Variants in CDH12 observed in about 807,000 individuals in gnomAD.
The protein encoded by CDH12 is cadherin 12.
Under a neutral mutation model 74.1 loss-of-function variants are expected in CDH12, and 41 were observed. The observed-to-expected ratio is 0.55, with a 90% confidence interval of 0.43 to 0.72. CDH12 has a LOEUF of 0.72. Ranked by LOEUF, CDH12 falls within the 30% of genes least tolerant of loss-of-function variation. CDH12 has a pLI of 0.00. For missense variants in CDH12, 945 were observed against 977.2 expected (o/e 0.97, Z 0.44); for synonymous variants, 399 against 355.0 (o/e 1.12, Z -1.39).
intron 6 of CDH12, among the ~76,000 whole-genome samples, chr5:21,878,997 A>G (rs139596983): frequency 1.5e-3 from 227 of 152,222 alleles, no homozygotes; most frequent in Middle Eastern, 6.8e-3. Flanking sequence ...GTCTATGTTG[A>G]TATTCTATCC....
chr5:22,058,043 ATCATCTATCT>A (rs1740873080), intron 5 of CDH12, among the ~76,000 whole-genome samples: 1 of 137,014 alleles, frequency 7.3e-6, no homozygotes, highest in African/African-American at 2.7e-5. Flanking sequence ...CTATCTATCT[ATCATCTATCT>A]TTTATTTATT....
chr5:22,460,997 A>G (rs1209957125), intron 2 of CDH12, among the ~76,000 whole-genome samples: 32 of 142,376 alleles, frequency 2.2e-4, no homozygotes. Flanking sequence ...CTGGGATTAC[A>G]GGTGTGAGCC....
chr5:22,796,400 T>C (rs1748210834), intron 1 of CDH12, among the ~76,000 whole-genome samples: 1 of 152,194 alleles, frequency 6.6e-6, no homozygotes, highest in Non-Finnish European at 1.5e-5. Context: ...GGTGGTATTT[T>C]ATTGTGGTTT....
intron 4 of CDH12, among the ~76,000 whole-genome samples, chr5:22,112,590 T>C (rs182888589): frequency 6.6e-6 from 1 of 152,286 alleles, no homozygotes; most frequent in African/African-American, 2.4e-5. Flanking sequence ...TCTGTCATGG[T>C]CGTTTTTTTT....
At chr5:22,143,950 TA>T (rs879825650) in intron 4 of CDH12, 173 of 145,992 alleles carry the variant, frequency 1.2e-3, no homozygotes, top group Middle Eastern at 3.5e-3. Flanking sequence ...TACTGCCACT[TA>T]AAAAAAAAAA....
At chr5:22,483,295 C>T (rs1387625712) in intron 2 of CDH12, among the ~76,000 whole-genome samples, 3 of 152,034 alleles carry the variant, frequency 2.0e-5, no homozygotes, top group East Asian at 3.9e-4. Context: ...CTTAGAGACA[C>T]AAATTTTAAA....
At chr5:22,097,227 A>T (rs1350933245) in intron 4 of CDH12, among the ~76,000 whole-genome samples, 2 of 151,958 alleles carry the variant, frequency 1.3e-5, no homozygotes, top group Non-Finnish European at 2.9e-5. Context: ...TGTTCAACTC[A>T]CCTGGCAGCC....
At chr5:22,398,567 T>C (rs1332065034) in intron 3 of CDH12, among the ~76,000 whole-genome samples, 2 of 152,098 alleles carry the variant, frequency 1.3e-5, no homozygotes, top group African/African-American at 4.8e-5. Flanking sequence ...GCCCAAGCAA[T>C]AGACATTGTC....
intron 1 of CDH12, among the ~76,000 whole-genome samples, chr5:22,569,577 G>A (rs1052444815): frequency 3.3e-5 from 5 of 152,116 alleles, no homozygotes; most frequent in East Asian, 1.9e-4. Context: ...TATCAACTAC[G>A]CTTAGGACAT....
chr5:22,711,024 G>A (rs1743260998), intron 1 of CDH12, among the ~76,000 whole-genome samples: 1 of 152,004 alleles, frequency 6.6e-6, no homozygotes, highest in South Asian at 2.1e-4. Flanking sequence ...CTAGAATTAA[G>A]AGATTTCATC....
At position 21,783,500 on chromosome 5, in the gene CDH12, T is replaced by C; in HGVS notation, c.1257-6A>G. On this transcript the variant is annotated splice_region_variant and splice_polypyrimidine_tract_variant and intron_variant, in intron 10 of 14. Coordinates refer to ENST00000382254, the MANE Select transcript of CDH12 (RefSeq NM_004061.5). ...TCTTCCAATCTATGAAGTACCTGTA[T>C]ATGAAAAGAGTAGATGCAAATGTGC... 6.2e-7 allele frequency: 1 copy of C among 1,600,128 alleles called. No individual in the cohort carries two copies. Among genetic ancestry groups the C allele is most frequent in the Non-Finnish European group, 8.6e-7 (1 of 1,168,320 alleles).
chr5:22,228,789 T>A (rs1314514575), intron 3 of CDH12, among the ~76,000 whole-genome samples: 1 of 135,824 alleles, frequency 7.4e-6, no homozygotes, highest in Non-Finnish European at 1.7e-5. Context: ...ATGCCAAATT[T>A]ATTATGTTCT....
intron 1 of CDH12, among the ~76,000 whole-genome samples, chr5:22,686,448 G>C (rs184286451): frequency 1.3e-5 from 2 of 152,206 alleles, no homozygotes; most frequent in East Asian, 3.9e-4. Context: ...AGAAGTCTTC[G>C]CCTAACTAAA....
intron 1 of CDH12, among the ~76,000 whole-genome samples, chr5:22,558,662 T>C (rs748707688): frequency 1.3e-5 from 2 of 151,742 alleles, no homozygotes; most frequent in African/African-American, 2.4e-5. Flanking sequence ...GAAAAAACCA[T>C]AAAACTTAAG....
At chr5:22,705,912 T>G (rs1478736213) in intron 1 of CDH12, among the ~76,000 whole-genome samples, 2 of 152,102 alleles carry the variant, frequency 1.3e-5, no homozygotes, top group Non-Finnish European at 2.9e-5. Context: ...CAAAATGCTA[T>G]AATAAGGTGA....
intron 3 of CDH12, among the ~76,000 whole-genome samples, chr5:22,258,112 T>G (rs893168372): frequency 1.3e-5 from 2 of 152,108 alleles, no homozygotes; most frequent in Non-Finnish European, 2.9e-5. Flanking sequence ...TTTGCTTTTA[T>G]TTTTTGTTTT....
At chr5:22,572,660 A>C (rs1386863715) in intron 1 of CDH12, among the ~76,000 whole-genome samples, 1 of 152,220 alleles carries the variant, frequency 6.6e-6, no homozygotes, top group Non-Finnish European at 1.5e-5. Context: ...AACATATGAC[A>C]AAAAACAACC....
At chr5:22,588,711 A>C (rs1363762212) in intron 1 of CDH12, among the ~76,000 whole-genome samples, 1 of 152,180 alleles carries the variant, frequency 6.6e-6, no homozygotes, top group African/African-American at 2.4e-5. Flanking sequence ...CTATCAGCTC[A>C]CTGTCAAATC....
At chr5:21,790,383 C>A (rs1377642818) in intron 10 of CDH12, among the ~76,000 whole-genome samples, 1 of 151,962 alleles carries the variant, frequency 6.6e-6, no homozygotes, top group Non-Finnish European at 1.5e-5. Flanking sequence ...ATCTTGCAAG[C>A]TCAGTAAACA....
Sources: allele counts gnomAD v4.1 joint callset (sites outside exome capture counted in the v4.1 genomes callset), GRCh38; gene constraint gnomAD v4.1.1; transcripts MANE v1.5; gene names NCBI Gene and HGNC (gene_info 2026-07-23, HGNC 2026-07-21).